The following DLG2 variants were observed in gnomAD, a reference collection of about 807,000 sequenced individuals.
DLG2 encodes the protein discs large MAGUK scaffold protein 2, also known as disks large homolog 2.
DLG2 carries 45 observed loss-of-function variants against 132.5 expected under a neutral mutation model. That is an observed-to-expected ratio of 0.34 (90% confidence interval 0.27 to 0.44). The LOEUF (loss-of-function observed/expected upper bound fraction) is 0.44, where lower values mean the gene tolerates loss of function less well. Ranked by LOEUF, DLG2 falls within the 20% of genes least tolerant of loss-of-function variation. The pLI is 1.00. For synonymous variants in DLG2, 424 were observed against 419.6 expected (o/e 1.01, Z -0.13); for missense variants, 1,045 against 1,196.9 (o/e 0.87, Z 1.87).
At chr11:83,584,676 A>G (rs2097050949) in intron 19 of DLG2, among the ~76,000 whole-genome samples, 1 of 152,190 alleles carries the variant, frequency 6.6e-6, no homozygotes, top group East Asian at 1.9e-4. Context: ...AAGATAGAGG[A>G]TTTTTGAGCA....
Position 84,668,483 on chromosome 11 carries a change from T to C in DLG2, c.358-133752A>G, listed in dbSNP as rs12292957. On this transcript the variant is annotated intron_variant, in intron 6 of 27. Transcript: ENST00000376104. ...GAATTGCTGTGATCAGAATGCCTCG[T>C]TCACTGAATGCCCTTTCTGATAAAA... 4.7e-3 allele frequency among the ~76,000 whole-genome samples: 714 copies of C among 152,304 alleles called. 2 individuals are homozygous for C. The highest frequency in any genetic ancestry group is 8.4e-3 in the Non-Finnish European group (572 of 68,012).
intron 7 of DLG2, among the ~76,000 whole-genome samples, chr11:84,325,815 A>G (rs1218540803): frequency 6.6e-6 from 1 of 152,152 alleles, no homozygotes; most frequent in Non-Finnish European, 1.5e-5. Context: ...GAGTTTGAGA[A>G]AGATTGCCAT....
intron 7 of DLG2, among the ~76,000 whole-genome samples, chr11:84,489,671 G>GT (rs1465496690): frequency 6.6e-6 from 1 of 152,040 alleles, no homozygotes; most frequent in Non-Finnish European, 1.5e-5. Flanking sequence ...TATGATGCTT[G>GT]TATTCGTATT....
At chr11:83,514,624 G>A (rs10898131) in intron 21 of DLG2, among the ~76,000 whole-genome samples, 50,521 of 151,932 alleles carry the variant, frequency 0.33, 8,660 homozygotes, top group Middle Eastern at 0.45. Flanking sequence ...CAAAGGGAAT[G>A]CTTCCAGTTT....
intron 10 of DLG2, among the ~76,000 whole-genome samples, chr11:84,075,790 T>C (rs2096822365): frequency 6.6e-6 from 1 of 152,176 alleles, no homozygotes; most frequent in Non-Finnish European, 1.5e-5. Context: ...CTAGGGTAAA[T>C]CATATTTCAT....
At chr11:83,567,832 C>A (rs2143119422) in intron 19 of DLG2, among the ~76,000 whole-genome samples, 1 of 152,058 alleles carries the variant, frequency 6.6e-6, no homozygotes. Context: ...TTCAGTCCAG[C>A]TAGATATGGC....
intron 20 of DLG2, 41 bp downstream of exon 20, chr11:83,541,635 GCTGGAT>G (rs1565713004): frequency 6.8e-7 from 1 of 1,469,288 alleles, no homozygotes; most frequent in South Asian, 1.4e-5. Flanking sequence ...ATCTCCACTC[GCTGGAT>G]AGCTGACAAG....
intron 6 of DLG2, among the ~76,000 whole-genome samples, chr11:85,007,617 G>T (rs1393680805): frequency 1.5e-5 from 2 of 135,730 alleles, no homozygotes; most frequent in Non-Finnish European, 3.1e-5. Context: ...AGTGAGCCGT[G>T]ATTGGCCACT....
intron 7 of DLG2, among the ~76,000 whole-genome samples, chr11:84,292,825 C>G (rs1020123012): frequency 1.4e-4 from 21 of 152,024 alleles, no homozygotes; most frequent in African/African-American, 4.8e-4. Context: ...GGGTCCAATC[C>G]TTGGCTTCCC....
intron 6 of DLG2, among the ~76,000 whole-genome samples, chr11:84,967,912 G>A (rs1158894424): frequency 6.6e-5 from 10 of 151,914 alleles, no homozygotes; most frequent in Admixed American, 1.3e-4. Flanking sequence ...CTTCTAAAAG[G>A]TCCTGTTCTT....
At chr11:84,302,792 A>G (rs1375186719) in intron 7 of DLG2, among the ~76,000 whole-genome samples, 2 of 152,170 alleles carry the variant, frequency 1.3e-5, no homozygotes, top group Non-Finnish European at 2.9e-5. Context: ...ATTTTATTAA[A>G]AAATAAAACG....
chr11:85,066,830 C>T (rs1396933167), intron 6 of DLG2, among the ~76,000 whole-genome samples: 1 of 151,648 alleles, frequency 6.6e-6, no homozygotes, highest in Non-Finnish European at 1.5e-5. Context: ...CTACAGACAA[C>T]ATGGGGAAAA....
At chr11:85,171,130 C>T (rs1232272631) in intron 4 of DLG2, among the ~76,000 whole-genome samples, 3 of 152,042 alleles carry the variant, frequency 2.0e-5, no homozygotes, top group Non-Finnish European at 4.4e-5. Context: ...ATAAGATAGC[C>T]AATTAGAAGC....
Position 83,636,609 on chromosome 11 carries a change from T to A in DLG2, c.1826-3284A>T, listed in dbSNP as rs970288218. Among the ~76,000 whole-genome samples the A allele has an allele frequency of 2.8e-4, 42 of 152,186 alleles. 1 individual carries two copies. The highest frequency in any genetic ancestry group is 1.5e-5 in the Non-Finnish European group (1 of 68,014). ...CCAGGATCTCTCCATCTCAATCATG[T>A]CATACATTGGAAACAATTCTCTGAC... On this transcript the variant is annotated intron_variant, in intron 18 of 27. Coordinates refer to ENST00000376104, the MANE Select transcript of DLG2 (RefSeq NM_001142699.3).
In DLG2 at chr11:84,540,427, C is replaced by A. The variant is rs370336558; in HGVS notation, c.358-5696G>T. On this transcript the variant is annotated intron_variant, in intron 6 of 27. Transcript: ENST00000376104. ...CAAAAGAAGACATTTATGCAGCCAACAGACACATGAAAAAATGCTCATCAT... is the reference window on the plus strand; with the variant it reads ...CAAAAGAAGACATTTATGCAGCCAAAAGACACATGAAAAAATGCTCATCAT... Among the ~76,000 whole-genome samples the A allele has an allele frequency of 8.9e-4, 135 of 151,540 alleles. 1 individual carries two copies. Among genetic ancestry groups the A allele is most frequent in the African/African-American group, 1.3e-3 (54 of 41,342 alleles).
intron 6 of DLG2, among the ~76,000 whole-genome samples, chr11:84,632,014 G>GC (rs2099633003): frequency 6.6e-6 from 1 of 152,150 alleles, no homozygotes; most frequent in African/African-American, 2.4e-5. Context: ...CATTTCACTT[G>GC]CTTTTCCTCA....
chr11:83,657,534 C>CTTTTTTTTTT (rs540422330), intron 18 of DLG2, among the ~76,000 whole-genome samples: 11 of 93,372 alleles, frequency 1.2e-4, no homozygotes, highest in South Asian at 3.7e-4. Context: ...ATTGTCTATT[C>CTTTTTTTTTT]TTTTTTTTTT....
chr11:85,516,371 A>G (rs2094168899), intron 3 of DLG2, among the ~76,000 whole-genome samples: 1 of 152,048 alleles, frequency 6.6e-6, no homozygotes, highest in Non-Finnish European at 1.5e-5. Flanking sequence ...ACAACCTAAC[A>G]TTGCACCTCA....
At chr11:85,088,319 G>A (rs1346494327) in intron 6 of DLG2, among the ~76,000 whole-genome samples, 1 of 152,196 alleles carries the variant, frequency 6.6e-6, no homozygotes, top group South Asian at 2.1e-4. Context: ...ATATATTTCT[G>A]TTGTGTGAGC....
Sources: allele counts gnomAD v4.1 joint callset (sites outside exome capture counted in the v4.1 genomes callset), GRCh38; gene constraint gnomAD v4.1.1; transcripts MANE v1.5; gene names NCBI Gene and HGNC (gene_info 2026-07-23, HGNC 2026-07-21).